The following C4orf50 variants were observed in gnomAD, a reference collection of about 807,000 sequenced individuals.
C4orf50 encodes the protein uncharacterized protein C4orf50.
In C4orf50, 80 loss-of-function variants were observed where a neutral mutation model predicts 77.2. That is an observed-to-expected ratio of 1.04 (90% CI 0.87 to 1.25). C4orf50 has a LOEUF of 1.25. Ranked by LOEUF, C4orf50 falls within the 50% of genes most tolerant of loss-of-function variation. The probability of loss-of-function intolerance (pLI) is 0.00; values close to 1 mark genes in which losing one functional copy is unlikely to be tolerated. For missense variants in C4orf50, 1,257 were observed against 1,152.9 expected (o/e 1.09, Z -1.31); for synonymous variants, 532 against 465.3 (o/e 1.14, Z -1.84).
intron 31 of C4orf50, among the ~76,000 whole-genome samples, chr4:5,972,511 A>C (rs1404065126): frequency 1.3e-5 from 2 of 152,210 alleles, no homozygotes; most frequent in Non-Finnish European, 2.9e-5. Context: ...TGAGTCAAAA[A>C]ATGGCCCTGA....
Position 5,983,806 on chromosome 4 carries a change from G to T in C4orf50, c.3700-3468C>A, listed in dbSNP as rs575598668. Among the ~76,000 whole-genome samples, 27 of 152,342 alleles carry T rather than the reference G, an allele frequency of 1.8e-4. No individual in the cohort carries two copies. In the East Asian group the frequency reaches 4.8e-3, roughly 27 times the overall value. On this transcript the variant is annotated intron_variant, in intron 28 of 33. Coordinates refer to ENST00000531445, the Ensembl canonical transcript of C4orf50. ...GAGTTTAAGGATGCTAAGACTGCTGGTGTTTGTGGGACAAAGTAACAGGGA... is the reference window on the plus strand; with the variant it reads ...GAGTTTAAGGATGCTAAGACTGCTGTTGTTTGTGGGACAAAGTAACAGGGA...
chr4:5,910,439 T>C (rs1716754907), intron 7 of C4orf50, among the ~76,000 whole-genome samples: 1 of 152,230 alleles, frequency 6.6e-6, no homozygotes, highest in Admixed American at 6.5e-5. Context: ...ATTTTTATAT[T>C]TTAAGTAATG....
At chr4:5,984,850 T>TAA (rs138298932) in intron 28 of C4orf50, among the ~76,000 whole-genome samples, 11 of 141,344 alleles carry the variant, frequency 7.8e-5, no homozygotes, top group South Asian at 2.2e-4. Context: ...TTCAAGAAGC[T>TAA]AAAAAAAAAA....
At chr4:5,964,542 G>A (rs1235161559) in intron 33 of C4orf50, among the ~76,000 whole-genome samples, 1 of 152,072 alleles carries the variant, frequency 6.6e-6, no homozygotes, top group Non-Finnish European at 1.5e-5. Context: ...GGTCGAGGTG[G>A]GTGGATCATG....
Position 5,919,159 on chromosome 4 carries a change from C to A in C4orf50, c.*2475-20971G>T, listed in dbSNP as rs528303565. On this transcript the variant is annotated intron_variant, in intron 7 of 7. Transcript: ENST00000324058. The surrounding 1 kb of genome is among the most constrained non-coding windows in gnomAD (Gnocchi z 6.5). ...GAATGCTGGGGTGTGGGGGCAACGTCAGATCGCAGGACTCCTCTCTCATTC... is the reference window on the plus strand; with the variant it reads ...GAATGCTGGGGTGTGGGGGCAACGTAAGATCGCAGGACTCCTCTCTCATTC... Among the ~76,000 whole-genome samples the A allele has an allele frequency of 6.6e-6, 1 of 152,256 alleles. No individual in the cohort carries two copies. Among genetic ancestry groups the A allele is most frequent in the Admixed American group, 6.5e-5 (1 of 15,296 alleles).
chr4:5,984,677 A>G (rs1045719210), intron 28 of C4orf50, among the ~76,000 whole-genome samples: 3 of 152,214 alleles, frequency 2.0e-5, no homozygotes, highest in African/African-American at 7.2e-5. Context: ...ACAGAAACAC[A>G]CATTTTTTAA....
downstream of C4orf50, among the ~76,000 whole-genome samples, chr4:5,953,659 C>T (rs977413659): frequency 3.9e-5 from 6 of 152,126 alleles, no homozygotes; most frequent in Non-Finnish European, 2.9e-5. Context: ...GGCAGGAGGG[C>T]GCATGGGGGC....
At chr4:5,948,503 A>G (rs1718581235) in intron 7 of C4orf50, among the ~76,000 whole-genome samples, 1 of 152,190 alleles carries the variant, frequency 6.6e-6, no homozygotes, top group Non-Finnish European at 1.5e-5. Context: ...CGCTTCTACT[A>G]AAAATACAAA....
intron 33 of C4orf50, among the ~76,000 whole-genome samples, chr4:5,960,319 G>T (rs1719203709): frequency 6.6e-6 from 1 of 152,150 alleles, no homozygotes; most frequent in East Asian, 1.9e-4. Flanking sequence ...CAAATGACAG[G>T]CAGGACTGCC....
chr4:5,951,795 T>G (rs988915186), intron 7 of C4orf50, among the ~76,000 whole-genome samples: 2 of 152,064 alleles, frequency 1.3e-5, no homozygotes, highest in African/African-American at 4.8e-5. Context: ...CGACCTACCT[T>G]CTTGCTAATC....
exon 34 of C4orf50, chr4:5,957,309 T>G (rs1370037179): frequency 1.3e-5 from 2 of 152,280 alleles, no homozygotes; most frequent in Non-Finnish European, 2.9e-5. Context: ...GGCACCACGC[T>G]GCATCTCGCT....
At chr4:5,938,988 T>A (rs1160951152) in intron 7 of C4orf50, among the ~76,000 whole-genome samples, 2 of 152,154 alleles carry the variant, frequency 1.3e-5, no homozygotes, top group African/African-American at 4.8e-5. Context: ...ATGCCTGTAA[T>A]CCCAGCACTT....
chr4:5,990,999 G>A (rs1490132427), intron 27 of C4orf50, among the ~76,000 whole-genome samples, 175 bp from the exon 6 acceptor site: 2 of 152,142 alleles, frequency 1.3e-5, no homozygotes, highest in South Asian at 2.1e-4. Flanking sequence ...CGTGCTCTTC[G>A]CTCTGCCCAG....
intron 23 of C4orf50, 95 bp from the exon 2 acceptor site, chr4:6,012,063 GT>G: frequency 2.5e-6 from 1 of 398,256 alleles, no homozygotes; most frequent in South Asian, 1.3e-4. Context: ...TATTATTATT[GT>G]TTTTGTCACT....
chr4:5,959,384 T>G, exon 34 of C4orf50: 1 of 1,613,324 alleles, frequency 6.2e-7, no homozygotes, highest in South Asian at 1.1e-5. Flanking sequence ...ATTACATTTC[T>G]AACTCCAGCG....
rs556025254 is a variant in C4orf50, at chr4:5,966,447, C to T, written c.4153+967G>A. Among the ~76,000 whole-genome samples, 5 of 151,558 alleles carry T rather than the reference C, an allele frequency of 3.3e-5. No homozygotes were observed. The East Asian group carries it at 5.8e-4, about 18-fold the overall frequency. On this transcript the variant is annotated intron_variant, in intron 32 of 33. Transcript: ENST00000531445. ...CCGAGATCACACCTTTGCACTCCAG[C>T]GTGGGCGACAGAGGGAGACTCCCTC...
chr4:5,917,334 G>A (rs1178564347), intron 7 of C4orf50, among the ~76,000 whole-genome samples: 2 of 150,156 alleles, frequency 1.3e-5, no homozygotes, highest in Non-Finnish European at 3.0e-5. Context: ...AAATATACAT[G>A]ATCCTTCTTA....
exon 28 of C4orf50, chr4:5,988,391 C>T (rs375357871): frequency 3.7e-6 from 6 of 1,613,782 alleles, no homozygotes; most frequent in Non-Finnish European, 5.1e-6. Context: ...CCCTGAGCCA[C>T]AGAACACCTG....
downstream of C4orf50, among the ~76,000 whole-genome samples, chr4:5,955,696 C>T (rs1457279759): frequency 6.6e-6 from 1 of 152,170 alleles, no homozygotes; most frequent in Admixed American, 6.5e-5. The surrounding 1 kb of genome is among the most constrained non-coding windows in gnomAD (Gnocchi z 5.1). Flanking sequence ...CAGCCAGATC[C>T]CAGCCTCCCA....
Sources: gnomAD v4.1 joint callset for allele counts (sites outside exome capture counted in the v4.1 genomes callset) on GRCh38, gnomAD v4.1.1 for gene constraint, Gnocchi (gnomAD v3.1) non-coding constraint, MANE v1.5 for transcripts, NCBI Gene and HGNC (gene_info 2026-07-23, HGNC 2026-07-21) for gene names.